Variants in TTC28 observed in about 807,000 individuals in gnomAD.
TTC28 encodes tetratricopeptide repeat domain 28.
TTC28 carries 61 observed loss-of-function variants against 198.0 expected under a neutral mutation model. The ratio of observed to expected loss-of-function variants is 0.31; its 90% CI spans 0.25 to 0.38. The LOEUF (loss-of-function observed/expected upper bound fraction) is 0.38, where lower values mean the gene tolerates loss of function less well. TTC28 is among the 10% of genes least tolerant of loss of function. TTC28 has a pLI of 1.00. For missense variants in TTC28, 2,678 were observed against 3,164.0 expected, an observed-to-expected ratio of 0.85 and a Z score of 3.69; for synonymous variants, 1,171 against 1,297.8, an observed-to-expected ratio of 0.90 and a Z score of 2.10.
intron 2 of TTC28, among the ~76,000 whole-genome samples, chr22:28,386,411 A>C (rs1437317503): frequency 6.6e-6 from 1 of 151,534 alleles, no homozygotes; most frequent in Non-Finnish European, 1.5e-5. Flanking sequence ...ATGGGCAGGG[A>C]CCACATCTTA....
intron 6 of TTC28, among the ~76,000 whole-genome samples, chr22:28,142,675 G>A (rs1943368794): frequency 6.6e-6 from 1 of 152,160 alleles, no homozygotes; most frequent in African/African-American, 2.4e-5. Flanking sequence ...TGTTACTGGA[G>A]CCATAAAAAC....
intron 2 of TTC28, among the ~76,000 whole-genome samples, chr22:28,537,296 A>ACT (rs1569008965): frequency 4.2e-5 from 4 of 94,722 alleles, no homozygotes; most frequent in South Asian, 6.2e-4. Flanking sequence ...CCGTCTCAAA[A>ACT]ATAAAATAAA....
chr22:28,183,469 C>T (rs1196507936), intron 5 of TTC28, among the ~76,000 whole-genome samples: 1 of 152,098 alleles, frequency 6.6e-6, no homozygotes, highest in African/African-American at 2.4e-5. Context: ...TCTTCAGGAC[C>T]CCAGCTGGTA....
At chr22:28,146,961 C>T (rs969421565) in intron 6 of TTC28, among the ~76,000 whole-genome samples, 2 of 152,170 alleles carry the variant, frequency 1.3e-5, no homozygotes, top group South Asian at 4.1e-4. Flanking sequence ...AAAATGAAAG[C>T]ATTCACTCCC....
At chr22:28,574,243 C>T (rs2050109425) in intron 2 of TTC28, among the ~76,000 whole-genome samples, 1 of 152,264 alleles carries the variant, frequency 6.6e-6, no homozygotes, top group East Asian at 1.9e-4. Context: ...ATCTCCTTGG[C>T]TCAAGTGATC....
chr22:28,534,099 A>T (rs1601528091), intron 2 of TTC28, among the ~76,000 whole-genome samples: 1 of 152,250 alleles, frequency 6.6e-6, no homozygotes, highest in Admixed American at 6.5e-5. Flanking sequence ...ACAGCAAAAG[A>T]AAGTACCATC....
Position 28,175,806 on chromosome 22 carries a change from G to A in TTC28, c.934-12207C>T, listed in dbSNP as rs900030657. 3.8e-4 allele frequency among the ~76,000 whole-genome samples: 57 copies of A among 151,872 alleles called. 2 individuals carry two copies. The highest frequency in any genetic ancestry group is 3.4e-3 in the Middle Eastern group (1 of 294). ...AAAGAAGACATACAAATGGCCAACC[G>A]GTATAAGAAAAAAAAATGTTCAACA... On this transcript the variant is annotated intron_variant, in intron 5 of 22. Coordinates refer to ENST00000397906, the MANE Select transcript of TTC28 (RefSeq NM_001145418.2).
At chr22:28,048,008 G>T (rs1162984067) in intron 12 of TTC28, among the ~76,000 whole-genome samples, 4 of 152,042 alleles carry the variant, frequency 2.6e-5, no homozygotes, top group Non-Finnish European at 5.9e-5. Flanking sequence ...TCCTCAAAAT[G>T]AGGCCCTGCA....
At chr22:28,267,139 T>C (rs1931733696) in intron 5 of TTC28, among the ~76,000 whole-genome samples, 1 of 152,192 alleles carries the variant, frequency 6.6e-6, no homozygotes, top group South Asian at 2.1e-4. Context: ...GGGGGACTAG[T>C]AGTGTATTGT....
In TTC28 at chr22:28,270,636, T is replaced by C. The variant is rs147293228; in HGVS notation, c.933+25562A>G. Among the ~76,000 whole-genome samples the C allele has an allele frequency of 2.1e-3, 324 of 152,322 alleles. 3 individuals carry two copies. The highest frequency in any genetic ancestry group is 9.8e-3 in the South Asian group (47 of 4,816). The stretch of plus-strand genomic sequence containing the variant: ...TTTTCTATTAATTTATTTCCATATG[T>C]GTTTCACTTTTCCTAACATAAAAAC... On this transcript the variant is annotated intron_variant, in intron 5 of 22. Transcript: ENST00000397906.
chr22:28,027,920 G>C (rs1455755161), intron 13 of TTC28, among the ~76,000 whole-genome samples: 12 of 152,246 alleles, frequency 7.9e-5, no homozygotes, highest in Admixed American at 7.8e-4. Flanking sequence ...TGCACTGAAA[G>C]TGCCAGGGAA....
intron 5 of TTC28, among the ~76,000 whole-genome samples, chr22:28,268,758 T>A (rs1931846032): frequency 6.6e-6 from 1 of 152,190 alleles, no homozygotes; most frequent in Non-Finnish European, 1.5e-5. Flanking sequence ...TTGTTCCTCA[T>A]CTAGACATCT....
chr22:28,277,732 T>C (rs1161848622), intron 5 of TTC28, among the ~76,000 whole-genome samples: 1 of 152,228 alleles, frequency 6.6e-6, no homozygotes, highest in Non-Finnish European at 1.5e-5. Flanking sequence ...TGTGTAATGT[T>C]ATGAAAAATC....
intron 2 of TTC28, among the ~76,000 whole-genome samples, chr22:28,605,842 T>A (rs769196296): frequency 9.9e-5 from 15 of 152,198 alleles, no homozygotes; most frequent in Non-Finnish European, 2.2e-4. Context: ...GATCCAAGGA[T>A]ATAAAGTTTC....
intron 6 of TTC28, among the ~76,000 whole-genome samples, chr22:28,123,004 CAAAG>C (rs896804791): frequency 2.0e-5 from 3 of 152,102 alleles, no homozygotes; most frequent in African/African-American, 4.8e-5. Flanking sequence ...AGGATGTAGA[CAAAG>C]AAACACATCT....
rs2051362232 is a variant in TTC28, at chr22:28,641,331, AAAAT to A, written c.103-11505_103-11502del. ...GAGCAAGACTCCGTCTCAAAAAAAA[AAAAT>A]AAAGAAATGAATAAAACACACATTA... On this transcript the variant is annotated intron_variant, in intron 1 of 22. Coordinates refer to ENST00000397906, the MANE Select transcript of TTC28 (RefSeq NM_001145418.2). Among the ~76,000 whole-genome samples the A allele has an allele frequency of 2.6e-5, 4 of 152,312 alleles. No homozygotes were observed. The East Asian group carries it at 5.8e-4, about 22-fold the overall frequency.
chr22:28,273,275 C>T (rs1333892755), intron 5 of TTC28, among the ~76,000 whole-genome samples: 1 of 152,010 alleles, frequency 6.6e-6, no homozygotes, highest in Non-Finnish European at 1.5e-5. Flanking sequence ...CTGAACCATG[C>T]ACCACCAACA....
chr22:28,478,401 C>T (rs913987812), intron 2 of TTC28, among the ~76,000 whole-genome samples: 12 of 152,034 alleles, frequency 7.9e-5, no homozygotes, highest in East Asian at 1.9e-4. Context: ...ACCAGCTACT[C>T]GGGAGGCTGA....
intron 2 of TTC28, among the ~76,000 whole-genome samples, chr22:28,384,322 G>C (rs1265632979): frequency 6.6e-6 from 1 of 152,032 alleles, no homozygotes; most frequent in East Asian, 1.9e-4. Flanking sequence ...TCCTGGCCTT[G>C]AGTGACCCTC....
Sources: allele counts gnomAD v4.1 joint callset (sites outside exome capture counted in the v4.1 genomes callset), GRCh38; gene constraint gnomAD v4.1.1; transcripts MANE v1.5; gene names NCBI Gene and HGNC (gene_info 2026-07-23, HGNC 2026-07-21).